The following UBE3A variants were observed in gnomAD, a reference collection of about 807,000 sequenced individuals.
UBE3A encodes the protein ubiquitin protein ligase E3A.
Under a neutral mutation model 83.4 loss-of-function variants are expected in UBE3A, and 6 were observed. The observed-to-expected ratio is 0.07, with a 90% CI of 0.04 to 0.14. UBE3A has a LOEUF of 0.14. UBE3A is among the 10% of genes least tolerant of loss of function. The pLI, the probability that UBE3A is intolerant of heterozygous loss-of-function variation, is 1.00. For missense variants in UBE3A, 456 were observed against 1,036.1 expected, an observed-to-expected ratio of 0.44 and a Z score of 7.69; for synonymous variants, 337 against 355.4, an observed-to-expected ratio of 0.95 and a Z score of 0.58.
At chr15:25,362,376 G>A (rs1479551874) in intron 6 of UBE3A, among the ~76,000 whole-genome samples, 1 of 152,204 alleles carries the variant, frequency 6.6e-6, no homozygotes, top group Middle Eastern at 3.2e-3. Flanking sequence ...CCAAGAGTCA[G>A]TCAGAATTCA....
At chr15:25,360,887 C>T (rs573860513) in intron 6 of UBE3A, among the ~76,000 whole-genome samples, 1 of 152,186 alleles carries the variant, frequency 6.6e-6, no homozygotes, top group East Asian at 1.9e-4. Flanking sequence ...GAGGTCTAAC[C>T]TCAAAATTGT....
intron 6 of UBE3A, among the ~76,000 whole-genome samples, chr15:25,368,752 T>C (rs919479544): frequency 3.3e-5 from 5 of 152,108 alleles, no homozygotes; most frequent in Admixed American, 1.3e-4. Context: ...AATTCTAGAA[T>C]AGAATTTAAA....
rs78873369 is a variant in UBE3A at position 25,416,968 on chromosome 15, T to A, written c.-164-4997A>T. ...GAGATCAGAGCTGAGAAAGCTGAAG[T>A]GGGTAAAATTGATGACAAGTGCCAG... On this transcript the variant is annotated intron_variant, in intron 1 of 12. Transcript: ENST00000648336. 6.6e-3 allele frequency among the ~76,000 whole-genome samples: 1,003 copies of A among 151,972 alleles called. 45 individuals carry two copies. The East Asian group carries it at 0.13, about 20-fold the overall frequency.
intron 1 of UBE3A, among the ~76,000 whole-genome samples, chr15:25,433,262 C>A (rs1159370613): frequency 1.3e-5 from 2 of 150,826 alleles, no homozygotes; most frequent in Non-Finnish European, 2.9e-5. Flanking sequence ...TGGCTCACTG[C>A]AACCTCCGCC....
chr15:25,345,652 T>G (rs760236374), intron 11 of UBE3A: 7 of 151,864 alleles, frequency 4.6e-5, no homozygotes, highest in African/African-American at 1.7e-4. Flanking sequence ...TATGTGCATA[T>G]ACATGAGAAT....
intron 4 of UBE3A, among the ~76,000 whole-genome samples, chr15:25,397,642 T>C (rs933610004): frequency 6.6e-6 from 1 of 152,086 alleles, no homozygotes; most frequent in East Asian, 1.9e-4. Flanking sequence ...TTCTTCTAAT[T>C]CCCTGTATTA....
At chr15:25,408,846 T>G in intron 3 of UBE3A, 1 of 776,358 alleles carries the variant, frequency 1.3e-6, no homozygotes, top group Non-Finnish European at 1.9e-6. Context: ...AACCTTGAAG[T>G]TTTTTTGAGA....
intron 4 of UBE3A, among the ~76,000 whole-genome samples, chr15:25,395,881 TTAGAGG>T (rs1204866132): frequency 6.6e-6 from 1 of 152,168 alleles, no homozygotes; most frequent in African/African-American, 2.4e-5. Context: ...AGCCTTAGTG[TTAGAGG>T]TAAAGAGTAA....
chr15:25,341,782 TCA>T (rs2074875351), intron 11 of UBE3A, among the ~76,000 whole-genome samples: 1 of 53,470 alleles, frequency 1.9e-5, no homozygotes. Flanking sequence ...AAATTTCATC[TCA>T]AAAAAAAAAA....
intron 2 of UBE3A, among the ~76,000 whole-genome samples, chr15:25,411,258 C>T (rs2089938054): frequency 6.6e-6 from 1 of 152,174 alleles, no homozygotes; most frequent in South Asian, 2.1e-4. Flanking sequence ...GATAAACAAG[C>T]TAACATCTAA....
chr15:25,399,694 G>A (rs1404351406), intron 4 of UBE3A, among the ~76,000 whole-genome samples: 2 of 151,716 alleles, frequency 1.3e-5, no homozygotes, highest in African/African-American at 2.4e-5. Context: ...TCAGCCTCTC[G>A]GGTAGCTAGG....
intron 4 of UBE3A, among the ~76,000 whole-genome samples, chr15:25,384,408 C>T (rs2082724149): frequency 6.7e-6 from 1 of 149,032 alleles, no homozygotes; most frequent in Non-Finnish European, 1.5e-5. Context: ...GTGCAGTGAG[C>T]CAAGATCACG....
At chr15:25,424,355 A>G (rs1376846916) in intron 1 of UBE3A, among the ~76,000 whole-genome samples, 3 of 152,092 alleles carry the variant, frequency 2.0e-5, no homozygotes, top group Non-Finnish European at 4.4e-5. Flanking sequence ...CACCCAAGTT[A>G]CCATTTCAGT....
chr15:25,339,099 T>C lies in UBE3A; in HGVS notation c.*38A>G. ...ATTTTTTAAATTTTTTCTTTTTTTT[T>C]CCTTCCTTTTTTTTGTTTTATTTTG... On this transcript the variant is annotated 3_prime_UTR_variant, in exon 13 of 13. Coordinates refer to ENST00000648336, the MANE Select transcript of UBE3A (RefSeq NM_130839.5). The C allele has an allele frequency of 1.3e-6, 2 of 1,490,672 alleles. No homozygotes were observed. The highest frequency in any genetic ancestry group is 1.3e-5 in the South Asian group (1 of 74,458). The allele number at this position is 1,490,672 out of a possible 1,614,324, so 92.3% of individuals were successfully genotyped here.
chr15:25,392,589 TCA>T (rs1275267242), intron 4 of UBE3A, among the ~76,000 whole-genome samples: 1 of 152,012 alleles, frequency 6.6e-6, no homozygotes, highest in Non-Finnish European at 1.5e-5. Context: ...GATTTCAATA[TCA>T]CAGAGATGAC....
intron 1 of UBE3A, among the ~76,000 whole-genome samples, chr15:25,422,895 A>G (rs1204203068): frequency 6.6e-6 from 1 of 151,658 alleles, no homozygotes; most frequent in Non-Finnish European, 1.5e-5. Context: ...CTACTTGGGA[A>G]GCTGAGGCAG....
chr15:25,347,392 T>C (rs2075852854), intron 11 of UBE3A, among the ~76,000 whole-genome samples: 1 of 152,094 alleles, frequency 6.6e-6, no homozygotes, highest in African/African-American at 2.4e-5. Flanking sequence ...ACAATGACCG[T>C]GAAAACAACT....
At chr15:25,365,268 T>C (rs1466600784) in intron 6 of UBE3A, among the ~76,000 whole-genome samples, 5 of 152,124 alleles carry the variant, frequency 3.3e-5, no homozygotes, top group East Asian at 1.9e-4. Context: ...AAATATGATA[T>C]TACTAGACTT....
chr15:25,392,354 G>A (rs2084594314), intron 4 of UBE3A, among the ~76,000 whole-genome samples: 1 of 152,146 alleles, frequency 6.6e-6, no homozygotes, highest in East Asian at 1.9e-4. Context: ...CTCTCTGGCT[G>A]TTTTTCAGAG....
Sources: allele counts gnomAD v4.1 joint callset (sites outside exome capture counted in the v4.1 genomes callset), GRCh38; gene constraint gnomAD v4.1.1; transcripts MANE v1.5; gene names NCBI Gene and HGNC (gene_info 2026-07-23, HGNC 2026-07-21).